MB21D2: variants seen among roughly 807,000 people sequenced by gnomAD.
The protein encoded by MB21D2 is Mab-21 domain containing 2, also known as nucleotidyltransferase MB21D2.
MB21D2 carries 9 observed loss-of-function variants against 33.3 expected under a neutral mutation model. The ratio of observed to expected loss-of-function variants is 0.27; its 90% CI spans 0.16 to 0.47. MB21D2 has a LOEUF of 0.47. Ranked by LOEUF, MB21D2 falls within the 20% of genes least tolerant of loss-of-function variation. The pLI is 0.99. For synonymous variants in MB21D2, 241 were observed against 236.3 expected, an observed-to-expected ratio of 1.02 and a Z score of -0.18; for missense variants, 540 against 624.6, an observed-to-expected ratio of 0.86 and a Z score of 1.44.
chr3:192,824,539 G>A (rs1348831628), intron 1 of MB21D2, among the ~76,000 whole-genome samples: 2 of 148,044 alleles, frequency 1.4e-5, no homozygotes, highest in African/African-American at 5.1e-5. Context: ...AAAGTTTCTG[G>A]ACATCAATTG....
At chr3:192,868,428 C>A (rs1713215671) in intron 1 of MB21D2, among the ~76,000 whole-genome samples, 1 of 152,188 alleles carries the variant, frequency 6.6e-6, no homozygotes, top group Non-Finnish European at 1.5e-5. Context: ...CATCATTTGA[C>A]TCCTTTGATC....
chr3:192,836,320 G>A (rs192392167), intron 1 of MB21D2, among the ~76,000 whole-genome samples: 34 of 152,234 alleles, frequency 2.2e-4, no homozygotes, highest in Middle Eastern at 3.4e-3. Flanking sequence ...AAGCCATTGC[G>A]TCACCCAGAC....
chr3:192,876,295 CA>C (rs1472439754), intron 1 of MB21D2, among the ~76,000 whole-genome samples: 3 of 152,218 alleles, frequency 2.0e-5, no homozygotes, highest in Non-Finnish European at 4.4e-5. Flanking sequence ...AAGACAGAAA[CA>C]TGGCTGTCAT....
At chr3:192,910,614 T>C (rs571754899) in intron 1 of MB21D2, among the ~76,000 whole-genome samples, 53 of 152,328 alleles carry the variant, frequency 3.5e-4, no homozygotes, top group African/African-American at 1.3e-3. Context: ...CTTTAAAATG[T>C]AGAGGACAGC....
intron 1 of MB21D2, among the ~76,000 whole-genome samples, chr3:192,813,098 C>T (rs4687362): frequency 0.53 from 80,965 of 151,894 alleles, 21,875 homozygotes; most frequent in South Asian, 0.6. Context: ...CTTTGAGGTT[C>T]CACCCAGTGA....
chr3:192,828,009 G>A (rs987949781), intron 1 of MB21D2, among the ~76,000 whole-genome samples: 14 of 152,002 alleles, frequency 9.2e-5, no homozygotes, highest in Non-Finnish European at 1.9e-4. Flanking sequence ...CTTTATCTGG[G>A]GAAACCCCTT....
chr3:192,880,513 C>T (rs1185055545), intron 1 of MB21D2, among the ~76,000 whole-genome samples: 1 of 152,000 alleles, frequency 6.6e-6, no homozygotes, highest in Admixed American at 6.5e-5. Flanking sequence ...AAAGCCTCAA[C>T]GGGGTGTCTG....
intron 1 of MB21D2, among the ~76,000 whole-genome samples, chr3:192,805,356 C>A (rs1468426471): frequency 6.6e-6 from 1 of 152,118 alleles, no homozygotes; most frequent in Non-Finnish European, 1.5e-5. Context: ...CGGAGCTTTC[C>A]AGTTTTTCAA....
intron 1 of MB21D2, among the ~76,000 whole-genome samples, chr3:192,802,300 C>G (rs1330625039): frequency 1.3e-5 from 2 of 152,170 alleles, no homozygotes; most frequent in Non-Finnish European, 2.9e-5. Context: ...TCAGCTTCTC[C>G]TACTTGAACC....
At chr3:192,897,062 G>A (rs938137088) in intron 1 of MB21D2, among the ~76,000 whole-genome samples, 4 of 152,142 alleles carry the variant, frequency 2.6e-5, no homozygotes, top group Non-Finnish European at 4.4e-5. Context: ...AAGAGAAAAC[G>A]GGGAAATTAA....
At chr3:192,818,037 C>A (rs1020102085) in intron 1 of MB21D2, among the ~76,000 whole-genome samples, 1 of 151,566 alleles carries the variant, frequency 6.6e-6, no homozygotes, top group African/African-American at 2.4e-5. Flanking sequence ...CTTCAGTGTG[C>A]CCTCCCTCCT....
chr3:192,888,510 T>C (rs1188336373), intron 1 of MB21D2, among the ~76,000 whole-genome samples: 1 of 152,086 alleles, frequency 6.6e-6, no homozygotes, highest in Non-Finnish European at 1.5e-5. Flanking sequence ...ATCCACAAAA[T>C]ACAGTTATTT....
At chr3:192,913,540 C>G (rs1330158998) in intron 1 of MB21D2, among the ~76,000 whole-genome samples, 1 of 152,004 alleles carries the variant, frequency 6.6e-6, no homozygotes, top group Non-Finnish European at 1.5e-5. Flanking sequence ...AATGAAAAAA[C>G]TGGCCAGGCA....
intron 1 of MB21D2, among the ~76,000 whole-genome samples, chr3:192,887,175 C>T (rs1171790714): frequency 2.0e-5 from 3 of 152,042 alleles, no homozygotes; most frequent in Admixed American, 6.5e-5. Context: ...GAGACAAAGT[C>T]TCGTTCTGTT....
intron 1 of MB21D2, among the ~76,000 whole-genome samples, chr3:192,833,041 C>CT (rs397728123): frequency 0.057 from 8,403 of 146,188 alleles, 736 homozygotes; most frequent in African/African-American, 0.2. Context: ...TCCTTTAGAC[C>CT]TTTTTTTTTT....
chr3:192,856,406 T>C (rs1712917037), intron 1 of MB21D2, among the ~76,000 whole-genome samples: 1 of 152,152 alleles, frequency 6.6e-6, no homozygotes, highest in Non-Finnish European at 1.5e-5. Context: ...TCCTACCTGA[T>C]TGCTATAAGG....
chr3:192,818,144 C>T (rs989733700), intron 1 of MB21D2, among the ~76,000 whole-genome samples: 1 of 152,176 alleles, frequency 6.6e-6, no homozygotes, highest in African/African-American at 2.4e-5. Flanking sequence ...CCCCTTCATA[C>T]AGCATTTGTA....
intron 1 of MB21D2, among the ~76,000 whole-genome samples, chr3:192,839,782 A>G (rs1412790166): frequency 6.6e-6 from 1 of 152,224 alleles, no homozygotes; most frequent in Non-Finnish European, 1.5e-5. Context: ...CTATATGTCA[A>G]TCTATACAGA....
chr3:192,897,812 T>C (rs558318627), intron 1 of MB21D2, among the ~76,000 whole-genome samples: 39 of 151,904 alleles, frequency 2.6e-4, no homozygotes, highest in Non-Finnish European at 5.3e-4. Context: ...GCTAACATGG[T>C]GAAACTCCAT....
Sources: allele counts gnomAD v4.1 joint callset (sites outside exome capture counted in the v4.1 genomes callset), GRCh38; gene constraint gnomAD v4.1.1; transcripts MANE v1.5; gene names NCBI Gene and HGNC (gene_info 2026-07-23, HGNC 2026-07-21).